The following FAM83D variants were observed in gnomAD, a reference collection of about 807,000 sequenced individuals.
FAM83D encodes the protein protein FAM83D.
A neutral mutation model predicts 25.4 loss-of-function variants in FAM83D; 26 were observed. The ratio of observed to expected loss-of-function variants is 1.02; its 90% CI spans 0.75 to 1.42. The LOEUF is 1.42. FAM83D is among the 40% of genes most tolerant of loss of function. The probability of loss-of-function intolerance (pLI) is 0.00; values close to 1 mark genes in which losing one functional copy is unlikely to be tolerated. For missense variants in FAM83D, 740 were observed against 758.1 expected (o/e 0.98, Z 0.28); for synonymous variants, 310 against 318.5 (o/e 0.97, Z 0.28).
intron 3 of FAM83D, among the ~76,000 whole-genome samples, chr20:38,951,272 A>G (rs1432421872): frequency 7.1e-6 from 1 of 141,268 alleles, no homozygotes; most frequent in Non-Finnish European, 1.6e-5. Context: ...CCCCGTCTCA[A>G]AACAAACAAA....
intron 2 of FAM83D, among the ~76,000 whole-genome samples, chr20:38,943,943 C>T (rs1289166010): frequency 2.0e-5 from 3 of 152,190 alleles, no homozygotes; most frequent in Non-Finnish European, 2.9e-5. Context: ...CCACCCGCCT[C>T]GGCCTCCCAA....
rs1174611858 is a variant in FAM83D at position 38,926,586 on chromosome 20, G to C, written c.144G>C (p.Ala48=). The part of the protein sequence containing the change: ...ELVAGGPEAF[A]AFLRRERLAR... ...TGGCGGGCGGCCCCGAAGCCTTCGC[G>C]GCCTTCCTGCGACGCGAGCGCCTGG... The change falls in exon 1 of 4, where the codon GCG becomes GCC. Residue 48 remains alanine, a synonymous_variant. Transcript: ENST00000619850. 6.4e-7 allele frequency: 1 copy of C among 1,552,608 alleles called. No individual in the cohort carries two copies. The highest frequency in any genetic ancestry group is 1.2e-5 in the South Asian group (1 of 86,348).
intron 1 of FAM83D, among the ~76,000 whole-genome samples, chr20:38,941,550 G>GAAAGCAACAAGCCA (rs1568697831): frequency 6.6e-6 from 1 of 152,216 alleles, no homozygotes. Context: ...GCCTGGTGGG[G>GAAAGCAACAAGCCA]AAAGCAACAA....
At chr20:38,934,745 T>C (rs2085671787) in intron 1 of FAM83D, among the ~76,000 whole-genome samples, 1 of 152,180 alleles carries the variant, frequency 6.6e-6, no homozygotes, top group South Asian at 2.1e-4. Flanking sequence ...TCATTGTGAA[T>C]GAACCGATTC....
chr20:38,952,236 G>C lies in FAM83D; in HGVS notation c.1474G>C (p.Gly492Arg), dbSNP rs1334017436. The C allele has an allele frequency of 1.1e-5, 17 of 1,614,026 alleles. No homozygotes were observed. In the Admixed American group the frequency reaches 2.5e-4, roughly 24 times the overall value. ...CCAAGGCTCTGTGGCAAGCTCCACTGGTTCTCCCGCTTCCATCAGAACCAC... is the reference window on the plus strand; with the variant it reads ...CCAAGGCTCTGTGGCAAGCTCCACTCGTTCTCCCGCTTCCATCAGAACCAC... ...SSQGSVASST[G>R]SPASIRTTDF... The change falls in exon 4 of 4, where the codon GGT (glycine) becomes CGT (arginine). Residue 492 changes from glycine (G) to arginine (R), a missense_variant. Physicochemically the swap from Gly to Arg is moderately radical, Grantham distance 125. Coordinates refer to ENST00000619850, the MANE Select transcript of FAM83D (RefSeq NM_030919.3).
At chr20:38,946,191 C>T (rs1350356604) in intron 2 of FAM83D, among the ~76,000 whole-genome samples, 2 of 123,262 alleles carry the variant, frequency 1.6e-5, no homozygotes, top group Non-Finnish European at 3.3e-5. Flanking sequence ...GAGTGAGACT[C>T]CACCTCAAAA....
chr20:38,951,554 T>G lies in FAM83D; in HGVS notation c.792T>G (p.Asp264Glu). Reference protein sequence around the residue: ...ATGSYSFTWTDGKLNSSNLVI... With the variant: ...ATGSYSFTWTEGKLNSSNLVI... The stretch of plus-strand genomic sequence containing the variant: ...AATCTTTAAGTTTTACATGGACGGA[T>G]GGCAAATTAAACAGCAGTAACTTGG... The change falls in exon 4 of 4, where the codon GAT (aspartate) becomes GAG (glutamate). Residue 264 changes from aspartate (D) to glutamate (E), a missense_variant. Transcript: ENST00000619850. The G allele has an allele frequency of 6.2e-7, 1 of 1,612,222 alleles. No homozygotes were observed. Among genetic ancestry groups the G allele is most frequent in the Non-Finnish European group, 8.5e-7 (1 of 1,178,958 alleles).
At chr20:38,938,415 C>A (rs1198909855) in intron 1 of FAM83D, among the ~76,000 whole-genome samples, 1 of 152,194 alleles carries the variant, frequency 6.6e-6, no homozygotes, top group Admixed American at 6.5e-5. Context: ...TTCTTGAGGA[C>A]AGGGATTGAC....
At chr20:38,937,169 A>G (rs1424092337) in intron 1 of FAM83D, among the ~76,000 whole-genome samples, 1 of 152,138 alleles carries the variant, frequency 6.6e-6, no homozygotes, top group East Asian at 1.9e-4. Flanking sequence ...CTGAGTTGCA[A>G]ATTGCAAATG....
At chr20:38,947,786 G>C (rs750488394) in intron 2 of FAM83D, 90 bp from the exon 3 acceptor site, 2 of 1,486,950 alleles carry the variant, frequency 1.3e-6, no homozygotes, top group African/African-American at 2.8e-5. Flanking sequence ...TCTGGGAATT[G>C]TAAACTAAGG....
chr20:38,952,305 C>A lies in FAM83D; in HGVS notation c.1543C>A (p.His515Asn), dbSNP rs182339227. ...PGYPKYLGTP[H>N]LELYLSDSLR... is the part of the protein sequence containing the mutation. ...CTATCCCAAGTACCTGGGCACCCCC[C>A]ACCTGGAACTGTACTTGAGTGACTC... The change falls in exon 4 of 4, where the codon CAC becomes AAC. Residue 515 changes from histidine (H) to asparagine (N), a missense_variant. Physicochemically the swap from His to Asn is moderately conservative, Grantham distance 68 (BLOSUM62 1). This residue lies in a region of FAM83D where 375 missense variants were observed against 403.2 expected (regional missense o/e 0.93). Coordinates refer to ENST00000619850, the MANE Select transcript of FAM83D (RefSeq NM_030919.3). 33 of 1,614,012 alleles carry A rather than the reference C, an allele frequency of 2.0e-5. No individual in the cohort carries two copies. Among genetic ancestry groups the A allele is most frequent in the Non-Finnish European group, 1.9e-5 (22 of 1,180,030 alleles).
chr20:38,939,876 A>G (rs562791709), intron 1 of FAM83D, among the ~76,000 whole-genome samples: 1 of 152,138 alleles, frequency 6.6e-6, no homozygotes, highest in South Asian at 2.1e-4. Context: ...GTTTCACTTA[A>G]TCCTCACAGC....
chr20:38,940,133 C>T (rs555338574), intron 1 of FAM83D, among the ~76,000 whole-genome samples: 3 of 152,262 alleles, frequency 2.0e-5, no homozygotes, highest in East Asian at 3.9e-4. Flanking sequence ...TCAGAAAGAA[C>T]GCTTCTCATT....
Position 38,926,829 on chromosome 20 carries a change from G to T in FAM83D, c.387G>T (p.Thr129=). 1 of 1,535,002 alleles carries T rather than the reference G, an allele frequency of 6.5e-7. No homozygotes were observed. The highest frequency in any genetic ancestry group is 8.7e-7 in the Non-Finnish European group (1 of 1,146,038). ...AFYQGAYRGA[T]RVETHFQPRG... is the part of the protein sequence containing the mutation. ...ACCAGGGCGCCTACCGCGGCGCCAC[G>T]CGTGTCGAGACGCACTTCCAGCCCC... is the stretch of plus-strand genomic sequence containing the variant. Residue 129 remains threonine (T), a synonymous_variant, in exon 1 of 4, where the codon ACG becomes ACT. Coordinates refer to ENST00000619850, the MANE Select transcript of FAM83D (RefSeq NM_030919.3).
Position 38,926,538 on chromosome 20 carries a change from G to T in FAM83D, c.96G>T (p.Arg32=). The change falls in exon 1 of 4, where the codon CGG becomes CGT. Residue 32 remains arginine (R), a synonymous_variant. Coordinates refer to ENST00000619850, the MANE Select transcript of FAM83D (RefSeq NM_030919.3). ...PNPTELFSES[R]RLALEELVAG... is the part of the protein sequence containing the mutation. ...CGACCGAGCTGTTCAGCGAGTCACG[G>T]CGCCTGGCTCTGGAGGAGCTGGTGG... 6.3e-7 allele frequency: 1 copy of T among 1,586,870 alleles called. No homozygotes were observed. The highest frequency in any genetic ancestry group is 1.1e-5 in the South Asian group (1 of 89,756).
At chr20:38,927,122 C>T (rs73287167) in intron 1 of FAM83D, among the ~76,000 whole-genome samples, 197 bp downstream of exon 1, 1 of 152,302 alleles carries the variant, frequency 6.6e-6, no homozygotes, top group African/African-American at 2.4e-5. Flanking sequence ...GGCCGCTCCT[C>T]GTGGCAGGGG....
rs779521830 is a variant in FAM83D, at chr20:38,952,354, G to T, written c.1592G>T (p.Arg531Leu). 6.2e-7 allele frequency: 1 copy of T among 1,614,032 alleles called. No homozygotes were observed. The highest frequency in any genetic ancestry group is 1.3e-5 in the African/African-American group (1 of 74,920). ...SDSLRNLNKE[R>L]QFHFAGIRSR... ...TCACTTAGAAACTTGAACAAAGAGC[G>T]GCAATTCCACTTCGCTGGTATCAGG... is the stretch of plus-strand genomic sequence containing the variant. Residue 531 changes from arginine to leucine, a missense_variant, in exon 4 of 4, where the codon CGG becomes CTG. Physicochemically the swap from Arg to Leu is moderately radical, Grantham distance 102. This residue lies in a region of FAM83D where 375 missense variants were observed against 403.2 expected (regional missense o/e 0.93). Coordinates refer to ENST00000619850, the MANE Select transcript of FAM83D (RefSeq NM_030919.3).
chr20:38,944,602 G>C (rs1159467566), intron 2 of FAM83D, among the ~76,000 whole-genome samples: 9 of 152,178 alleles, frequency 5.9e-5, no homozygotes, highest in Non-Finnish European at 1.0e-4. Flanking sequence ...ACTGTTGGTT[G>C]TTGCCTTCAT....
At position 38,940,775 on chromosome 20, in the gene FAM83D, A is replaced by C. The variant is rs146223292; in HGVS notation, c.484-1184A>C. On this transcript the variant is annotated intron_variant, in intron 1 of 3. Coordinates refer to ENST00000619850, the MANE Select transcript of FAM83D (RefSeq NM_030919.3). ...GCCTGCAAAAGGTGTGATTAGAGGC[A>C]TTGTGGCAGGAGCAGCCTGTCTTTA... 7.5e-4 allele frequency among the ~76,000 whole-genome samples: 114 copies of C among 152,258 alleles called. 1 individual carries two copies. In the East Asian group the frequency reaches 0.016, roughly 21 times the overall value.
Sources: allele counts gnomAD v4.1 joint callset (sites outside exome capture counted in the v4.1 genomes callset), GRCh38; gene constraint gnomAD v4.1.1; regional missense constraint gnomAD v4.1.1; transcripts MANE v1.5; gene names NCBI Gene and HGNC (gene_info 2026-07-23, HGNC 2026-07-21).